Variants in DIAPH2 observed in about 807,000 individuals in gnomAD.
DIAPH2 encodes protein diaphanous homolog 2.
DIAPH2 carries 35 observed loss-of-function variants against 92.7 expected under a neutral mutation model. That is an observed-to-expected ratio of 0.38 (90% CI 0.29 to 0.50). DIAPH2 has a LOEUF of 0.50. Among genes scored for constraint, DIAPH2 ranks in the 20% least tolerant of loss-of-function variants. The pLI is 0.94. For missense variants in DIAPH2, 701 were observed against 819.5 expected (o/e 0.86, Z 1.77); for synonymous variants, 301 against 280.4 (o/e 1.07, Z -0.73).
At chrX:96,962,402 TAC>T (rs1569436614) in intron 16 of DIAPH2, among the ~76,000 whole-genome samples, 15 of 61,143 alleles carry the variant, frequency 2.5e-4, no homozygotes, top group African/African-American at 9.7e-4. Flanking sequence ...CACATATATA[TAC>T]ACATATATAT....
intron 23 of DIAPH2, among the ~76,000 whole-genome samples, chrX:97,258,108 A>C (rs772675032): frequency 8.9e-6 from 1 of 112,187 alleles, no homozygotes; most frequent in South Asian, 3.7e-4. Flanking sequence ...TTGTAGAGTA[A>C]GCAGGATGCT....
At chrX:96,980,925 C>A (rs2147840042) in intron 17 of DIAPH2, among the ~76,000 whole-genome samples, 1 of 103,188 alleles carries the variant, frequency 9.7e-6, no homozygotes, top group South Asian at 4.6e-4. Flanking sequence ...CTTTGGGAGG[C>A]CAGGGTGGGT....
chrX:97,176,616 C>G (rs2067493975), intron 22 of DIAPH2, among the ~76,000 whole-genome samples: 1 of 111,054 alleles, frequency 9.0e-6, no homozygotes, highest in South Asian at 3.8e-4. Flanking sequence ...CAAGCTCCGC[C>G]TCCTGGGTTC....
chrX:96,778,860 T>A (rs1017943700), intron 4 of DIAPH2, among the ~76,000 whole-genome samples: 1 of 112,000 alleles, frequency 8.9e-6, no homozygotes, highest in African/African-American at 3.2e-5. Flanking sequence ...CAGGTGATGT[T>A]CTTCCTCAGT....
intron 4 of DIAPH2, among the ~76,000 whole-genome samples, chrX:96,775,353 T>TTGTGTGTGTGTGTG (rs60441028): frequency 0.062 from 5,529 of 89,225 alleles, 247 homozygotes; most frequent in Non-Finnish European, 0.088. Context: ...CAACGTGTGC[T>TTGTGTGTGTGTGTG]TGTGTGTGTG....
intron 1 of DIAPH2, among the ~76,000 whole-genome samples, chrX:96,726,624 T>C (rs767919623): frequency 5.4e-5 from 6 of 112,145 alleles, no homozygotes; most frequent in Non-Finnish European, 1.1e-4. Context: ...AGTATTGTTA[T>C]ACTGATGAAG....
chrX:96,988,693 T>G (rs921529504), intron 17 of DIAPH2, among the ~76,000 whole-genome samples: 2 of 111,720 alleles, frequency 1.8e-5, no homozygotes, highest in African/African-American at 3.2e-5. Flanking sequence ...ATAAATTGTA[T>G]GGCTTTATCA....
Position 97,248,982 on chromosome X carries a change from A to T in DIAPH2, c.2844+1143A>T, listed in dbSNP as rs150151837. ...AGTTTGTGATTGATTGGAGGCAGGG[A>T]ATCCACAAAAATAACCTTGGGTTGC... On this transcript the variant is annotated intron_variant, in intron 23 of 26. Transcript: ENST00000324765. 2.3e-4 allele frequency among the ~76,000 whole-genome samples: 26 copies of T among 111,511 alleles called. 1 individual carries two copies. In the East Asian group the frequency reaches 4.2e-3, roughly 18 times the overall value.
chrX:96,954,245 C>T (rs1161358966), intron 15 of DIAPH2: 8 of 111,936 alleles, frequency 7.1e-5, no homozygotes, highest in African/African-American at 2.6e-4. Context: ...AATCTAATGT[C>T]GTATCTTGAT....
chrX:97,352,870 C>CAA (rs1176922373), intron 24 of DIAPH2, among the ~76,000 whole-genome samples: 99 of 26,846 alleles, frequency 3.7e-3, no homozygotes, highest in African/African-American at 8.0e-3. Context: ...AATCTGTCTC[C>CAA]AAAAAAAAAA....
At chrX:97,551,355 TGA>T (rs1004189503) in intron 26 of DIAPH2, among the ~76,000 whole-genome samples, 2 of 111,056 alleles carry the variant, frequency 1.8e-5, no homozygotes, top group African/African-American at 6.6e-5. Context: ...TTTGGGAGGC[TGA>T]GACAGGTGGA....
At chrX:97,569,702 C>A (rs1369665283) in intron 26 of DIAPH2, among the ~76,000 whole-genome samples, 1 of 110,729 alleles carries the variant, frequency 9.0e-6, no homozygotes, top group African/African-American at 3.3e-5. Context: ...TCTCTAATTA[C>A]TTCTATAGAG....
chrX:96,757,952 G>A (rs889509468), intron 3 of DIAPH2, among the ~76,000 whole-genome samples: 4 of 111,857 alleles, frequency 3.6e-5, no homozygotes, highest in Middle Eastern at 4.6e-3. Context: ...GATGTGAACC[G>A]TGAATACATG....
At chrX:97,303,249 G>A (rs1004962499) in intron 23 of DIAPH2, among the ~76,000 whole-genome samples, 1 of 111,679 alleles carries the variant, frequency 9.0e-6, no homozygotes, top group Non-Finnish European at 1.9e-5. Flanking sequence ...ATTTGTTTTA[G>A]CATCCAATGG....
intron 26 of DIAPH2, among the ~76,000 whole-genome samples, chrX:97,479,968 A>T (rs1360482858): frequency 8.9e-6 from 1 of 111,933 alleles, no homozygotes; most frequent in Non-Finnish European, 1.9e-5. Context: ...GAAATGAATC[A>T]TTGGGATGGA....
At chrX:96,810,731 A>G (rs1277402128) in intron 4 of DIAPH2, among the ~76,000 whole-genome samples, 5 of 111,644 alleles carry the variant, frequency 4.5e-5, no homozygotes. Context: ...TCAGCTTTCT[A>G]CATATGGCTA....
intron 25 of DIAPH2, among the ~76,000 whole-genome samples, chrX:97,412,094 A>G (rs1174570482): frequency 8.9e-6 from 1 of 112,189 alleles, no homozygotes; most frequent in Non-Finnish European, 1.9e-5. Context: ...AATCAACAGA[A>G]TATGCATTCT....
chrX:97,097,594 T>G (rs1184034823), intron 19 of DIAPH2, among the ~76,000 whole-genome samples: 1 of 112,214 alleles, frequency 8.9e-6, no homozygotes, highest in Non-Finnish European at 1.9e-5. Flanking sequence ...TAGGCTTGAT[T>G]CATTCCACAA....
intron 4 of DIAPH2, 85 bp downstream of exon 4, chrX:96,758,343 T>G: frequency 5.2e-6 from 4 of 770,097 alleles, no homozygotes; most frequent in Non-Finnish European, 7.5e-6. Context: ...ACCTCAGCTC[T>G]TCAGATTACC....
Sources: gnomAD v4.1 joint callset for allele counts (sites outside exome capture counted in the v4.1 genomes callset) on GRCh38, gnomAD v4.1.1 for gene constraint, MANE v1.5 for transcripts, NCBI Gene and HGNC (gene_info 2026-07-23, HGNC 2026-07-21) for gene names.